LUZP2: variants seen among roughly 807,000 people sequenced by gnomAD.
LUZP2 encodes leucine zipper protein 2.
Under a neutral mutation model 51.6 loss-of-function variants are expected in LUZP2, and 52 were observed. The ratio of observed to expected loss-of-function variants is 1.01; its 90% CI spans 0.81 to 1.27. LUZP2 has a LOEUF of 1.27. Among genes scored for constraint, LUZP2 ranks in the 50% most tolerant of loss-of-function variants. LUZP2 has a pLI of 0.00. For synonymous variants in LUZP2, 154 were observed against 137.3 expected (o/e 1.12, Z -0.85); for missense variants, 436 against 395.4 (o/e 1.10, Z -0.87).
At chr11:24,994,159 C>CT (rs58939086) in intron 9 of LUZP2, among the ~76,000 whole-genome samples, 63,949 of 127,300 alleles carry the variant, frequency 0.5, 16,180 homozygotes, top group African/African-American at 0.54. Context: ...GCACCTGGCC[C>CT]TTTTTTTTTT....
intron 4 of LUZP2, among the ~76,000 whole-genome samples, chr11:24,753,830 G>A (rs1859677958): frequency 6.6e-6 from 1 of 152,030 alleles, no homozygotes. Flanking sequence ...TCATTAATCA[G>A]TATAGCCATT....
chr11:24,993,000 A>T (rs1472984638), intron 9 of LUZP2, among the ~76,000 whole-genome samples: 1 of 152,194 alleles, frequency 6.6e-6, no homozygotes, highest in Non-Finnish European at 1.5e-5. Flanking sequence ...TAAGTTTCAA[A>T]GAAAATTCTC....
chr11:24,711,296 A>G (rs1019380709), intron 1 of LUZP2, among the ~76,000 whole-genome samples: 12 of 151,956 alleles, frequency 7.9e-5, no homozygotes, highest in Non-Finnish European at 1.6e-4. Context: ...TAAAAATACA[A>G]AAAATTAGCC....
chr11:25,038,730 A>C (rs957191708), intron 9 of LUZP2, among the ~76,000 whole-genome samples: 1 of 152,142 alleles, frequency 6.6e-6, no homozygotes, highest in Non-Finnish European at 1.5e-5. Context: ...TGGCTTTTTG[A>C]ATTTCCAGAG....
At chr11:24,681,994 C>CTATCA (rs1856751283) in intron 1 of LUZP2, among the ~76,000 whole-genome samples, 2 of 152,182 alleles carry the variant, frequency 1.3e-5, no homozygotes. Flanking sequence ...AGTTCTTATA[C>CTATCA]TATCACAAAT....
intron 5 of LUZP2, among the ~76,000 whole-genome samples, chr11:24,798,196 A>T (rs943605774): frequency 2.1e-5 from 2 of 94,026 alleles, no homozygotes; most frequent in Non-Finnish European, 5.2e-5. Flanking sequence ...GGGGCATCTT[A>T]TATTTCTTTT....
At chr11:24,785,076 T>G (rs190650529) in intron 5 of LUZP2, among the ~76,000 whole-genome samples, 1 of 152,150 alleles carries the variant, frequency 6.6e-6, no homozygotes, top group African/African-American at 2.4e-5. Context: ...CCTTCTTCCC[T>G]GTAGTTACAC....
chr11:25,008,095 T>C (rs1446190), intron 9 of LUZP2, among the ~76,000 whole-genome samples: 61,606 of 152,072 alleles, frequency 0.41, 15,156 homozygotes, highest in East Asian at 0.87. Flanking sequence ...ACCAGTCGTG[T>C]CCTTACCTGG....
chr11:24,583,794 T>C (rs1032306045), intron 1 of LUZP2, among the ~76,000 whole-genome samples: 52 of 151,436 alleles, frequency 3.4e-4, no homozygotes, highest in African/African-American at 1.2e-3. Context: ...AACTCTGCCT[T>C]CCGGGTTCAC....
intron 9 of LUZP2, among the ~76,000 whole-genome samples, chr11:25,018,048 GT>G (rs369703081): frequency 6.1e-5 from 1 of 16,378 alleles, no homozygotes; most frequent in African/African-American, 1.7e-4. Context: ...TTTTTTTTTT[GT>G]TTTTTTTTTT....
At position 25,077,357 on chromosome 11, in the gene LUZP2, A is replaced by C. The variant is rs769075610; in HGVS notation, c.887A>C (p.Lys296Thr). The C allele has an allele frequency of 1.1e-5, 18 of 1,613,020 alleles. No individual in the cohort carries two copies. Among genetic ancestry groups the C allele is most frequent in the Admixed American group, 5.0e-5 (3 of 59,988 alleles). The change falls in exon 11 of 12, where the codon AAA (lysine) becomes ACA (threonine). Residue 296 changes from lysine (K) to threonine (T), a missense_variant. Coordinates refer to ENST00000336930, the MANE Select transcript of LUZP2 (RefSeq NM_001009909.4). ...GGCAGACCGTGTTCCATGAAGCACA[A>C]AGAAAGTCCCCCAAGTAATGCCACT... ...DEGRPCSMKH[K>T]ESPPSNATAE...
chr11:24,720,563 T>C (rs1381097482), intron 1 of LUZP2, among the ~76,000 whole-genome samples: 2 of 152,226 alleles, frequency 1.3e-5, no homozygotes, highest in African/African-American at 4.8e-5. Flanking sequence ...GCTGTGCTGA[T>C]ACTACATTAC....
intron 7 of LUZP2, among the ~76,000 whole-genome samples, chr11:24,931,743 G>A (rs1302867927): frequency 6.6e-6 from 1 of 152,178 alleles, no homozygotes; most frequent in East Asian, 1.9e-4. Flanking sequence ...GCAATTCAGA[G>A]ATTTTTGTCT....
In LUZP2 at chr11:24,951,142, T is replaced by A. The variant is rs565505581; in HGVS notation, c.523-25449T>A. ...AAATGTACATTATCTTATGTAGATT[T>A]GCGAGAATATACTTAATTACTGAAT... On this transcript the variant is annotated intron_variant, in intron 7 of 11. Coordinates refer to ENST00000336930, the MANE Select transcript of LUZP2 (RefSeq NM_001009909.4). 2.6e-5 allele frequency among the ~76,000 whole-genome samples: 4 copies of A among 151,696 alleles called. No homozygotes were observed. The East Asian group carries it at 7.7e-4, about 29-fold the overall frequency.
chr11:25,040,938 G>A (rs1353153902), intron 9 of LUZP2, among the ~76,000 whole-genome samples: 2 of 152,014 alleles, frequency 1.3e-5, no homozygotes, highest in Non-Finnish European at 2.9e-5. Context: ...TACCAAAATT[G>A]ATCTTTGGTA....
chr11:24,672,969 G>C (rs1218580897), intron 1 of LUZP2, among the ~76,000 whole-genome samples: 1 of 152,160 alleles, frequency 6.6e-6, no homozygotes, highest in Non-Finnish European at 1.5e-5. Flanking sequence ...ACTCATAAGA[G>C]CCTGAACCCT....
chr11:24,810,394 C>T (rs1229973620), intron 5 of LUZP2, among the ~76,000 whole-genome samples: 3 of 151,986 alleles, frequency 2.0e-5, no homozygotes, highest in Admixed American at 2.0e-4. Flanking sequence ...AAGAAATAAA[C>T]ACATCTGTTG....
chr11:25,045,741 A>G (rs556476688), intron 9 of LUZP2, among the ~76,000 whole-genome samples: 9 of 152,246 alleles, frequency 5.9e-5, no homozygotes, highest in African/African-American at 2.2e-4. Context: ...AGCTTTCATA[A>G]CTGGTTGATG....
At chr11:24,516,855 C>T in intron 1 of LUZP2, among the ~76,000 whole-genome samples, 1 of 152,092 alleles carries the variant, frequency 6.6e-6, no homozygotes, top group Non-Finnish European at 1.5e-5. Flanking sequence ...GACTTATGTC[C>T]CATAATCACA....
Sources: gnomAD v4.1 joint callset for allele counts (sites outside exome capture counted in the v4.1 genomes callset) on GRCh38, gnomAD v4.1.1 for gene constraint, MANE v1.5 for transcripts, NCBI Gene and HGNC (gene_info 2026-07-23, HGNC 2026-07-21) for gene names.